The following ACOXL variants were observed in gnomAD, a reference collection of about 807,000 sequenced individuals.
ACOXL encodes acyl-CoA oxidase like.
In ACOXL, 70 loss-of-function variants were observed where a neutral mutation model predicts 71.9. The observed-to-expected ratio is 0.97, with a 90% CI of 0.80 to 1.19. The LOEUF (loss-of-function observed/expected upper bound fraction) is 1.19, where lower values mean the gene tolerates loss of function less well. Among genes scored for constraint, ACOXL ranks in the 50% most tolerant of loss-of-function variants. ACOXL has a pLI of 0.00. For missense variants in ACOXL, 703 were observed against 736.3 expected, an observed-to-expected ratio of 0.95 and a Z score of 0.52; for synonymous variants, 253 against 281.6, an observed-to-expected ratio of 0.90 and a Z score of 1.02.
chr2:110,858,962 A>G (rs985218985), intron 10 of ACOXL, among the ~76,000 whole-genome samples: 2 of 152,184 alleles, frequency 1.3e-5, no homozygotes, highest in African/African-American at 4.8e-5. Context: ...GCGAGGCGGT[A>G]CCTTTGTATA....
intron 10 of ACOXL, 84 bp downstream of exon 10, chr2:110,841,489 C>G: frequency 8.5e-7 from 1 of 1,172,750 alleles, no homozygotes; most frequent in Non-Finnish European, 1.2e-6. Flanking sequence ...AGATTTTGAG[C>G]TTTTTTTTGG....
chr2:110,886,915 A>G (rs1482592642), intron 10 of ACOXL: 1 of 652,400 alleles, frequency 1.5e-6, no homozygotes, highest in Non-Finnish European at 2.2e-6. Flanking sequence ...TCAGCCACTT[A>G]ACTGTTCTGG....
At chr2:111,103,487 C>T (rs954786661) in intron 17 of ACOXL, among the ~76,000 whole-genome samples, 3 of 152,084 alleles carry the variant, frequency 2.0e-5, no homozygotes, top group Non-Finnish European at 2.9e-5. Flanking sequence ...GGCCTTGAAC[C>T]GCTAGGCATT....
intron 12 of ACOXL, among the ~76,000 whole-genome samples, chr2:110,953,364 G>A (rs529688345): frequency 5.3e-5 from 8 of 151,046 alleles, no homozygotes; most frequent in East Asian, 1.9e-4. Context: ...TAATTCCATC[G>A]TAGAGAAAAT....
Position 110,775,148 on chromosome 2 carries a change from A to AT in ACOXL, c.75+6684_75+6685insT, listed in dbSNP as rs1682482008. ...GTATGACGTTGGAAGCTTACCTTACAGCATATCCAAAATTTAACTCAAAAT... is the reference window on the plus strand; with the variant it reads ...GTATGACGTTGGAAGCTTACCTTACATGCATATCCAAAATTTAACTCAAAAT... On this transcript the variant is annotated intron_variant, in intron 2 of 17. Transcript: ENST00000439055. 1.3e-5 allele frequency among the ~76,000 whole-genome samples: 2 copies of AT among 152,254 alleles called. 1 individual carries two copies. The highest frequency in any genetic ancestry group is 1.3e-4 in the Admixed American group (2 of 15,286).
chr2:110,746,425 A>G (rs566783223), intron 1 of ACOXL, among the ~76,000 whole-genome samples: 2 of 152,112 alleles, frequency 1.3e-5, no homozygotes, highest in East Asian at 3.9e-4. Flanking sequence ...ACTACAATTC[A>G]GATTGTAGTT....
At chr2:111,105,832 C>T (rs1490058962) in intron 17 of ACOXL, among the ~76,000 whole-genome samples, 1 of 152,102 alleles carries the variant, frequency 6.6e-6, no homozygotes, top group Non-Finnish European at 1.5e-5. Context: ...CAATTCTTTT[C>T]TTTTAGCACC....
chr2:110,928,599 A>T (rs2060365139), intron 11 of ACOXL, among the ~76,000 whole-genome samples: 1 of 152,242 alleles, frequency 6.6e-6, no homozygotes, highest in African/African-American at 2.4e-5. Flanking sequence ...TTATAAATAG[A>T]ATCTTGCCAT....
chr2:110,961,304 G>A (rs1288443727), intron 12 of ACOXL, among the ~76,000 whole-genome samples: 2 of 152,184 alleles, frequency 1.3e-5, no homozygotes, highest in African/African-American at 4.8e-5. Flanking sequence ...CCATGTAGGA[G>A]AGAAGGGAAT....
At chr2:110,986,591 T>A (rs2062943682) in intron 12 of ACOXL, among the ~76,000 whole-genome samples, 1 of 152,226 alleles carries the variant, frequency 6.6e-6, no homozygotes, top group Non-Finnish European at 1.5e-5. Flanking sequence ...GCCATGGACA[T>A]CTTCTTTGAA....
intron 1 of ACOXL, among the ~76,000 whole-genome samples, chr2:110,747,918 C>A (rs1031391793): frequency 1.2e-4 from 18 of 152,134 alleles, no homozygotes; most frequent in African/African-American, 4.3e-4. Flanking sequence ...TCTCTCTGCC[C>A]ACATATGCCC....
chr2:110,818,417 A>ATGTGTG (rs1405102852), intron 9 of ACOXL, among the ~76,000 whole-genome samples: 25 of 139,314 alleles, frequency 1.8e-4, no homozygotes, highest in African/African-American at 7.1e-4. Flanking sequence ...AAACATATAT[A>ATGTGTG]TATATATGTG....
intron 15 of ACOXL, among the ~76,000 whole-genome samples, chr2:111,034,138 C>G (rs980428328): frequency 2.6e-5 from 4 of 152,180 alleles, no homozygotes; most frequent in Admixed American, 2.6e-4. Context: ...GTTACAAACC[C>G]TCTCTGAGCT....
chr2:110,957,553 C>T (rs925816936), intron 12 of ACOXL, among the ~76,000 whole-genome samples: 3 of 152,218 alleles, frequency 2.0e-5, no homozygotes, highest in Admixed American at 6.5e-5. Context: ...CTGAGGCTCT[C>T]ATCCTGACTT....
At chr2:110,888,496 A>G (rs570473567) in intron 10 of ACOXL, among the ~76,000 whole-genome samples, 2 of 152,330 alleles carry the variant, frequency 1.3e-5, no homozygotes, top group Admixed American at 6.5e-5. Flanking sequence ...ACAACACTCC[A>G]TGATAACCAG....
rs72828853 is a variant in ACOXL at position 110,736,327 on chromosome 2, C to T, written c.-23+3553C>T. 7.6e-3 allele frequency among the ~76,000 whole-genome samples: 1,158 copies of T among 152,262 alleles called. 6 individuals are homozygous for T. Among genetic ancestry groups the T allele is most frequent in the Non-Finnish European group, 0.013 (899 of 68,028 alleles). ...GTGCAACCATCACCACTGTCCAGCT[C>T]CAAAACATTTCATCATCCCAAATGG... On this transcript the variant is annotated intron_variant, in intron 1 of 17. Coordinates refer to ENST00000439055, the MANE Select transcript of ACOXL (RefSeq NM_001142807.4).
chr2:110,808,147 G>A (rs1425503917), intron 9 of ACOXL, among the ~76,000 whole-genome samples: 2 of 152,128 alleles, frequency 1.3e-5, no homozygotes, highest in Non-Finnish European at 2.9e-5. Flanking sequence ...TGGGGGCTTG[G>A]GAGACCTCTG....
chr2:110,741,441 A>G (rs890357111), intron 1 of ACOXL, among the ~76,000 whole-genome samples: 4 of 152,166 alleles, frequency 2.6e-5, no homozygotes, highest in Non-Finnish European at 4.4e-5. Context: ...TTCAAATTTT[A>G]GAAGGACACC....
chr2:110,917,235 A>T (rs1371133247), intron 11 of ACOXL, among the ~76,000 whole-genome samples: 1 of 152,220 alleles, frequency 6.6e-6, no homozygotes, highest in Non-Finnish European at 1.5e-5. Context: ...CATCCCTGGG[A>T]TGCAAGGCTG....
Sources: allele counts gnomAD v4.1 joint callset (sites outside exome capture counted in the v4.1 genomes callset), GRCh38; gene constraint gnomAD v4.1.1; transcripts MANE v1.5; gene names NCBI Gene and HGNC (gene_info 2026-07-23, HGNC 2026-07-21).